Variants in RIMS1 observed in about 807,000 individuals in gnomAD.
RIMS1 encodes the protein regulating synaptic membrane exocytosis protein 1.
RIMS1 carries 83 observed loss-of-function variants against 214.1 expected under a neutral mutation model. That is an observed-to-expected ratio of 0.39 (90% CI 0.32 to 0.47). The LOEUF (loss-of-function observed/expected upper bound fraction) is 0.47, where lower values mean the gene tolerates loss of function less well. RIMS1 is among the 20% of genes least tolerant of loss of function. The pLI is 0.99. For synonymous variants in RIMS1, 793 were observed against 786.8 expected (o/e 1.01, Z -0.13); for missense variants, 2,050 against 2,161.8 (o/e 0.95, Z 1.03).
chr6:72,049,700 T>C (rs909238312), intron 2 of RIMS1, among the ~76,000 whole-genome samples: 2 of 152,160 alleles, frequency 1.3e-5, no homozygotes, highest in African/African-American at 2.4e-5. Flanking sequence ...CGGCTTTCAT[T>C]TGGGGAAAAA....
intron 4 of RIMS1, among the ~76,000 whole-genome samples, chr6:72,165,132 T>A (rs760065844): frequency 6.6e-6 from 1 of 152,306 alleles, no homozygotes; most frequent in African/African-American, 2.4e-5. Context: ...TTTATTGTAA[T>A]CATCTTTGTT....
intron 1 of RIMS1, among the ~76,000 whole-genome samples, chr6:71,894,383 C>T (rs1770972686): frequency 6.6e-6 from 1 of 151,934 alleles, no homozygotes; most frequent in Non-Finnish European, 1.5e-5. Flanking sequence ...GAGGCAGAGG[C>T]TGCAATGAGC....
rs760296854 is a variant in RIMS1 at position 72,235,609 on chromosome 6, T to G, written c.1747-9T>G. On this transcript the variant is annotated splice_polypyrimidine_tract_variant and intron_variant, in intron 7 of 33. Coordinates refer to ENST00000521978, the MANE Select transcript of RIMS1 (RefSeq NM_014989.7). ...ATATTACTTTTTAAACTCATTCATG[T>G]TTTAACAGCATCCTGTAACGTGGCA... 3 of 1,585,578 alleles carry G rather than the reference T, an allele frequency of 1.9e-6. No homozygotes were observed. The Admixed American group carries it at 5.1e-5, about 27-fold the overall frequency.
chr6:72,029,656 G>A (rs1817541952), intron 2 of RIMS1, among the ~76,000 whole-genome samples: 1 of 152,082 alleles, frequency 6.6e-6, no homozygotes, highest in Non-Finnish European at 1.5e-5. Context: ...GTCTGAACAG[G>A]CTAGGACTTT....
rs751715542 is a variant in RIMS1 at position 72,179,559 on chromosome 6, T to C, written c.472-16T>C. The C allele has an allele frequency of 1.3e-6, 2 of 1,590,918 alleles. No homozygotes were observed. Among genetic ancestry groups the C allele is most frequent in the Non-Finnish European group, 1.7e-6 (2 of 1,163,514 alleles). On this transcript the variant is annotated splice_polypyrimidine_tract_variant and intron_variant, in intron 4 of 33. Transcript: ENST00000521978. Reference sequence around the variant, plus strand: ...GAGGGCATAAAAATTTATATTGTTCTTTCTTCTTCAAATAGGTTATGTGGG... The same window carrying C: ...GAGGGCATAAAAATTTATATTGTTCCTTCTTCTTCAAATAGGTTATGTGGG...
At chr6:71,964,094 C>T (rs912069432) in intron 1 of RIMS1, among the ~76,000 whole-genome samples, 1 of 152,044 alleles carries the variant, frequency 6.6e-6, no homozygotes, top group Non-Finnish European at 1.5e-5. Context: ...GTGAGGGGAG[C>T]AGATTGTAGT....
chr6:72,240,589 CTT>C (rs2066348741), intron 9 of RIMS1, among the ~76,000 whole-genome samples: 1 of 136,538 alleles, frequency 7.3e-6, no homozygotes, highest in African/African-American at 2.7e-5. Flanking sequence ...TGAAAGCACT[CTT>C]AATATATTAT....
At chr6:72,156,449 T>C (rs1480539054) in intron 4 of RIMS1, among the ~76,000 whole-genome samples, 1 of 140,272 alleles carries the variant, frequency 7.1e-6, no homozygotes, top group Non-Finnish European at 1.6e-5. Context: ...ACCAGAAGAA[T>C]GATTACTAGG....
Position 72,027,749 on chromosome 6 carries a change from C to T in RIMS1, c.245+58686C>T, listed in dbSNP as rs190875593. On this transcript the variant is annotated intron_variant, in intron 2 of 33. Transcript: ENST00000521978. ...CATGCTTTAATTAATCCAATAACAACAGTTTCAATTTTTATGGGTTTTTTT... is the reference window on the plus strand; with the variant it reads ...CATGCTTTAATTAATCCAATAACAATAGTTTCAATTTTTATGGGTTTTTTT... Among the ~76,000 whole-genome samples, 68 of 152,080 alleles carry T rather than the reference C, an allele frequency of 4.5e-4. 1 individual carries two copies. Among genetic ancestry groups the T allele is most frequent in the African/African-American group, 1.5e-3 (61 of 41,492 alleles).
chr6:72,112,815 T>C (rs1054289701), intron 4 of RIMS1, among the ~76,000 whole-genome samples: 1 of 152,200 alleles, frequency 6.6e-6, no homozygotes. Context: ...TCTACCTCTT[T>C]CTTTTCTCAT....
chr6:72,342,504 G>A (rs1451362051), intron 29 of RIMS1, among the ~76,000 whole-genome samples: 6 of 151,756 alleles, frequency 4.0e-5, no homozygotes, highest in Non-Finnish European at 8.8e-5. Context: ...TCTTCAGGGA[G>A]CTTAGCATTA....
intron 2 of RIMS1, among the ~76,000 whole-genome samples, chr6:71,982,312 C>G (rs181593386): frequency 2.6e-5 from 4 of 152,192 alleles, no homozygotes; most frequent in African/African-American, 9.6e-5. Flanking sequence ...AATGTTCAGG[C>G]TTGGAAAACG....
chr6:72,401,302 A>G lies in RIMS1; in HGVS notation c.*588A>G, dbSNP rs565252439. On this transcript the variant is annotated 3_prime_UTR_variant, in exon 34 of 34. Transcript: ENST00000521978. ...TTCTTTTTTCCAAAAGCACCAAAAA[A>G]AAGGGCTGAAGTAGTCTCTGTAGCA... 6.5e-6 allele frequency: 1 copy of G among 153,098 alleles called. No individual in the cohort carries two copies. Among genetic ancestry groups the G allele is most frequent in the African/African-American group, 2.4e-5 (1 of 41,574 alleles). The allele number at this position is 153,098 out of a possible 1,614,324, so 9.5% of individuals were successfully genotyped here.
At chr6:72,344,770 A>G (rs2097204192) in intron 29 of RIMS1, among the ~76,000 whole-genome samples, 1 of 151,750 alleles carries the variant, frequency 6.6e-6, no homozygotes, top group African/African-American at 2.4e-5. Context: ...TTCTAAAGAG[A>G]TGCCCTAATA....
At chr6:72,002,246 A>C (rs1805495519) in intron 2 of RIMS1, among the ~76,000 whole-genome samples, 1 of 152,160 alleles carries the variant, frequency 6.6e-6, no homozygotes, top group Admixed American at 6.5e-5. Context: ...AAGTTGCTTG[A>C]ACTCTGTCCT....
chr6:71,963,472 C>A (rs1355285815), intron 1 of RIMS1, among the ~76,000 whole-genome samples: 1 of 151,994 alleles, frequency 6.6e-6, no homozygotes, highest in Non-Finnish European at 1.5e-5. Flanking sequence ...TAGAAAAAAT[C>A]AGAAAAAGAG....
chr6:71,891,108 C>G (rs1388252288), intron 1 of RIMS1, among the ~76,000 whole-genome samples: 1 of 151,652 alleles, frequency 6.6e-6, no homozygotes, highest in African/African-American at 2.4e-5. Flanking sequence ...AGATCAGCTG[C>G]TGATCACAGC....
chr6:72,272,247 G>T (rs1055170547), intron 22 of RIMS1, among the ~76,000 whole-genome samples: 6 of 152,028 alleles, frequency 3.9e-5, no homozygotes, highest in Middle Eastern at 6.8e-3. Context: ...TTCTAATTTT[G>T]GTCATTCCTT....
Position 72,392,726 on chromosome 6 carries a change from G to T in RIMS1, c.4534G>T (p.Ala1512Ser). 6.2e-7 allele frequency: 1 copy of T among 1,613,492 alleles called. No individual in the cohort carries two copies. The highest frequency in any genetic ancestry group is 8.5e-7 in the Non-Finnish European group (1 of 1,179,486). ...NLIFPGVRLG[A>S]DSQFSDFLDG... is the part of the protein sequence containing the mutation. ...AATATTTCCTGGAGTGCGACTGGGA[G>T]CTGACAGTCAATTCAGTGATTTTCT... Residue 1512 changes from alanine (A) to serine (S), a missense_variant, in exon 31 of 34, where the codon GCT becomes TCT. By Grantham distance (99) the Ala-to-Ser change is moderately conservative. Around this residue, in one of 6 missense-constraint regions of RIMS1, gnomAD observed 121 missense variants for 187.3 expected, o/e 0.65. Coordinates refer to ENST00000521978, the MANE Select transcript of RIMS1 (RefSeq NM_014989.7).
Sources: allele counts gnomAD v4.1 joint callset (sites outside exome capture counted in the v4.1 genomes callset), GRCh38; gene constraint gnomAD v4.1.1; regional missense constraint gnomAD v4.1.1; transcripts MANE v1.5; gene names NCBI Gene and HGNC (gene_info 2026-07-23, HGNC 2026-07-21).